Variants in RNF4 observed in about 807,000 individuals in gnomAD.
RNF4 encodes the protein ring finger protein 4.
In RNF4, 7 loss-of-function variants were observed where a neutral mutation model predicts 24.3. That is an observed-to-expected ratio of 0.29 (90% CI 0.16 to 0.54). The LOEUF (loss-of-function observed/expected upper bound fraction) is 0.54. Among genes scored for constraint, RNF4 ranks in the 20% least tolerant of loss-of-function variants. The pLI is 0.95. For missense variants in RNF4, 209 were observed against 248.5 expected (o/e 0.84, Z 1.07); for synonymous variants, 83 against 84.3 (o/e 0.98, Z 0.09).
chr4:2,497,484 C>T (rs958228213), intron 3 of RNF4, among the ~76,000 whole-genome samples: 4 of 152,160 alleles, frequency 2.6e-5, no homozygotes, highest in Non-Finnish European at 5.9e-5. Context: ...AACTTGTCCA[C>T]AGAGCTCCCT....
chr4:2,512,674 C>T lies in RNF4; in HGVS notation c.374+77C>T, dbSNP rs1736302210. ...GGCATGGGAATACTTTTCAGCAAAT[C>T]TGTGAGCCCTTGGCCCTGGAAGGGC... On this transcript the variant is annotated intron_variant, in intron 6 of 7. Transcript: ENST00000314289. This position sits in a 1 kb window ranked among gnomAD's most constrained non-coding sequence, Gnocchi z 4.1. 3.9e-6 allele frequency: 6 copies of T among 1,535,118 alleles called. No homozygotes were observed. In the African/African-American group the frequency reaches 5.5e-5, roughly 14 times the overall value.
intron 4 of RNF4, among the ~76,000 whole-genome samples, chr4:2,502,424 G>A (rs567741786): frequency 3.3e-4 from 50 of 152,118 alleles, no homozygotes; most frequent in African/African-American, 9.9e-4. Context: ...GGTGGCTCAC[G>A]CCTGTAATCT....
rs375321626 is a variant in RNF4 at position 2,484,285 on chromosome 4, G to T, written c.-157-6052G>T. Among the ~76,000 whole-genome samples the T allele has an allele frequency of 1.0e-3, 152 of 151,876 alleles. 1 individual carries two copies. Among genetic ancestry groups the T allele is most frequent in the Admixed American group, 9.9e-3 (150 of 15,220 alleles). On this transcript the variant is annotated intron_variant, in intron 1 of 7. Transcript: ENST00000314289. ...GCTGCAGAGTTACGATATCATTCTG[G>T]TTCTGCTGTGCTCCCCACTGCCCCT...
intron 4 of RNF4, among the ~76,000 whole-genome samples, chr4:2,508,757 T>C (rs1048927929): frequency 1.3e-5 from 2 of 151,018 alleles, no homozygotes; most frequent in African/African-American, 4.9e-5. Flanking sequence ...ATTACAGACA[T>C]GAGCCACCAC....
rs1735885505 is a variant in RNF4 at position 2,500,757 on chromosome 4, G to A, written c.204+19G>A. 1 of 1,612,670 alleles carries A rather than the reference G, an allele frequency of 6.2e-7. No homozygotes were observed. Among genetic ancestry groups the A allele is most frequent in the Admixed American group, 1.7e-5 (1 of 59,836 alleles). ...TGTTGTGGTAAGTGTTGGAGTGTGAGAGTCGGCTGTTTCTTGGGTATGGGT... is the reference window on the plus strand; with the variant it reads ...TGTTGTGGTAAGTGTTGGAGTGTGAAAGTCGGCTGTTTCTTGGGTATGGGT... On this transcript the variant is annotated intron_variant, in intron 4 of 7. Transcript: ENST00000314289.
At position 2,512,958 on chromosome 4, in the gene RNF4, G is replaced by A. The variant is rs377082413; in HGVS notation, c.375-125G>A. On this transcript the variant is annotated intron_variant, in intron 6 of 7. Transcript: ENST00000314289. This position sits in a 1 kb window ranked among gnomAD's most constrained non-coding sequence, Gnocchi z 4.1. ...TTTCCTGAAAGTCTCTCGGATGCCC[G>A]CGCTAAGGCAGAGTCAGGAGGCCAG... The A allele has an allele frequency of 1.1e-5, 10 of 928,670 alleles. No individual in the cohort carries two copies. The highest frequency in any genetic ancestry group is 5.8e-5 in the Admixed American group (3 of 51,716). 57.5% of individuals were successfully genotyped at this position (928,670 alleles called of 1,614,324 possible).
intron 2 of RNF4, among the ~76,000 whole-genome samples, chr4:2,495,535 G>T (rs530905416): frequency 6.6e-6 from 1 of 152,028 alleles, no homozygotes; most frequent in African/African-American, 2.4e-5. Flanking sequence ...CTTGTCCCAG[G>T]TTGTCCAGTG....
At chr4:2,470,730 T>C (rs1348334961) in intron 1 of RNF4, among the ~76,000 whole-genome samples, 3 of 152,192 alleles carry the variant, frequency 2.0e-5, no homozygotes, top group African/African-American at 7.2e-5. Flanking sequence ...ACCTTTCTGC[T>C]TGGAATACAG....
intron 2 of RNF4, among the ~76,000 whole-genome samples, chr4:2,491,526 TC>T (rs1735578569): frequency 6.6e-6 from 1 of 152,140 alleles, no homozygotes; most frequent in Non-Finnish European, 1.5e-5. Context: ...TGCTGCAACC[TC>T]CGCCTCCCAG....
intron 2 of RNF4, chr4:2,490,761 C>T (rs1735555024): frequency 2.4e-6 from 1 of 408,898 alleles, no homozygotes; most frequent in Non-Finnish European, 4.4e-6. Context: ...CTCAGACCTT[C>T]ACAACAGTTG....
intron 4 of RNF4, chr4:2,505,118 C>A (rs942336336): frequency 1.1e-4 from 17 of 152,028 alleles, no homozygotes; most frequent in Non-Finnish European, 2.2e-4. Flanking sequence ...CCTAGCTCAT[C>A]CCAGTAGCTT....
At chr4:2,477,180 A>G (rs1438636319) in intron 1 of RNF4, among the ~76,000 whole-genome samples, 3 of 152,140 alleles carry the variant, frequency 2.0e-5, no homozygotes, top group African/African-American at 7.2e-5. Context: ...TCCCCACCCA[A>G]ATCTCACATT....
chr4:2,500,308 AG>A (rs1450724622), intron 3 of RNF4, among the ~76,000 whole-genome samples: 1 of 152,148 alleles, frequency 6.6e-6, no homozygotes, highest in East Asian at 1.9e-4. Flanking sequence ...CCAAAGAGAA[AG>A]GCCTGGGGCT....
At chr4:2,501,474 G>A (rs557922537) in intron 4 of RNF4, among the ~76,000 whole-genome samples, 1 of 152,348 alleles carries the variant, frequency 6.6e-6, no homozygotes, top group South Asian at 2.1e-4. Flanking sequence ...GTTACAGACT[G>A]CAGGGGACGT....
chr4:2,478,895 C>G (rs1253827587), intron 1 of RNF4, among the ~76,000 whole-genome samples: 2 of 152,206 alleles, frequency 1.3e-5, no homozygotes, highest in Non-Finnish European at 2.9e-5. Flanking sequence ...AATGATAGAT[C>G]CACTGACAGC....
chr4:2,512,661 C>T lies in RNF4; in HGVS notation c.374+64C>T. On this transcript the variant is annotated intron_variant, in intron 6 of 7. Transcript: ENST00000314289. The surrounding 1 kb of genome is among the most constrained non-coding windows in gnomAD (Gnocchi z 4.1). ...GATGTGGGGCCAGGGCATGGGAATA[C>T]TTTTCAGCAAATCTGTGAGCCCTTG... 3.2e-6 allele frequency: 5 copies of T among 1,571,602 alleles called. No homozygotes were observed. The highest frequency in any genetic ancestry group is 4.3e-6 in the Non-Finnish European group (5 of 1,155,836).
chr4:2,494,612 C>T (rs1364383069), intron 2 of RNF4: 3 of 151,808 alleles, frequency 2.0e-5, no homozygotes, highest in African/African-American at 7.3e-5. Context: ...GATCTTCTGA[C>T]CTTGTGATCC....
At chr4:2,483,297 A>G (rs1578503621) in intron 1 of RNF4, among the ~76,000 whole-genome samples, 1 of 152,322 alleles carries the variant, frequency 6.6e-6, no homozygotes, top group Admixed American at 6.5e-5. Context: ...CACTGGTTCC[A>G]CAGAGGTGAG....
At chr4:2,484,716 T>C (rs1432355524) in intron 1 of RNF4, among the ~76,000 whole-genome samples, 3 of 152,112 alleles carry the variant, frequency 2.0e-5, no homozygotes, top group Admixed American at 6.6e-5. Flanking sequence ...ATAATAAATC[T>C]ATAAGAATGA....
Sources: allele counts gnomAD v4.1 joint callset (sites outside exome capture counted in the v4.1 genomes callset), GRCh38; gene constraint gnomAD v4.1.1; non-coding constraint Gnocchi (gnomAD v3.1); transcripts MANE v1.5; gene names NCBI Gene and HGNC (gene_info 2026-07-23, HGNC 2026-07-21).